Variants in TRA2A observed in about 807,000 individuals in gnomAD.
TRA2A encodes the protein transformer 2 alpha homolog, also known as transformer-2 protein homolog alpha.
A neutral mutation model predicts 45.7 loss-of-function variants in TRA2A; 31 were observed. That is an observed-to-expected ratio of 0.68 (90% CI 0.51 to 0.92). TRA2A has a LOEUF of 0.92. Among genes scored for constraint, TRA2A ranks in the 40% least tolerant of loss-of-function variants. The probability of loss-of-function intolerance (pLI) is 0.00; values close to 1 mark genes in which losing one functional copy is unlikely to be tolerated. For missense variants in TRA2A, 304 were observed against 367.5 expected (o/e 0.83, Z 1.41); for synonymous variants, 132 against 126.2 (o/e 1.05, Z -0.31).
Position 23,531,825 on chromosome 7 carries a change from G to A in TRA2A, c.-1C>T, listed in dbSNP as rs1446705663. 5 of 1,613,642 alleles carry A rather than the reference G, an allele frequency of 3.1e-6. No homozygotes were observed. In the East Asian group the frequency reaches 1.1e-4, roughly 36 times the overall value. ...AGTTGTTTTCCTCCACATCACTCAT[G>A]TCGACGAGGCGCTCCCCAGAACTAA... is the stretch of plus-strand genomic sequence containing the variant. On this transcript the variant is annotated 5_prime_UTR_variant, in exon 1 of 8. Transcript: ENST00000297071.
Position 23,521,795 on chromosome 7 carries a change from C to A in TRA2A, c.82G>T (p.Val28Leu). ...GATCCTGACCTGCTCTCCGATTTTA[C>A]ACGAGCAGGAGTTCCCGTTGGAGAT... ...SKSPTGTPAR[V>L]KSESRSGSRS... Residue 28 changes from valine (V) to leucine (L), a missense_variant, in exon 2 of 8, where the codon GTA (valine) becomes TTA (leucine). Val to Leu is a conservative substitution (Grantham distance 32). Coordinates refer to ENST00000297071, the MANE Select transcript of TRA2A (RefSeq NM_013293.5). 6.2e-7 allele frequency: 1 copy of A among 1,614,142 alleles called. No individual in the cohort carries two copies. The highest frequency in any genetic ancestry group is 8.5e-7 in the Non-Finnish European group (1 of 1,180,010).
chr7:23,507,546 C>A lies in TRA2A; in HGVS notation c.526-11G>T. ...TGCCCTTTCCATAGCCTATAAAGAACAGGCACAAAAAGTCACGTATAATTC... is the reference window on the plus strand; with the variant it reads ...TGCCCTTTCCATAGCCTATAAAGAAAAGGCACAAAAAGTCACGTATAATTC... On this transcript the variant is annotated splice_polypyrimidine_tract_variant and intron_variant, in intron 4 of 7. Transcript: ENST00000297071. The A allele has an allele frequency of 6.3e-7, 1 of 1,598,798 alleles. No homozygotes were observed. The highest frequency in any genetic ancestry group is 8.6e-7 in the Non-Finnish European group (1 of 1,166,460).
intron 1 of TRA2A, 135 bp downstream of exon 1, chr7:23,531,654 G>A (rs972798641): frequency 2.3e-6 from 2 of 880,386 alleles, no homozygotes; most frequent in Non-Finnish European, 3.6e-6. Flanking sequence ...ATCTTGGGAT[G>A]GGAGGAATCA....
intron 3 of TRA2A, among the ~76,000 whole-genome samples, chr7:23,514,154 A>AC (rs1435138221): frequency 2.1e-5 from 3 of 145,008 alleles, no homozygotes; most frequent in Admixed American, 1.4e-4. Context: ...CGCAACCTCC[A>AC]CCTCCCGAGG....
At position 23,528,443 on chromosome 7, in the gene TRA2A, T is replaced by C. The variant is rs1790429978; in HGVS notation, c.36+3346A>G. Among the ~76,000 whole-genome samples, 7 of 152,230 alleles carry C rather than the reference T, an allele frequency of 4.6e-5. No individual in the cohort carries two copies. The South Asian group carries it at 1.4e-3, about 32-fold the overall frequency. ...GGATGGTCTCCATCTCTTGACCTTGTGATCCGCCCGCCTCAGCCTCCCAAA... is the reference window on the plus strand; with the variant it reads ...GGATGGTCTCCATCTCTTGACCTTGCGATCCGCCCGCCTCAGCCTCCCAAA... On this transcript the variant is annotated intron_variant, in intron 1 of 7. Coordinates refer to ENST00000297071, the MANE Select transcript of TRA2A (RefSeq NM_013293.5).
At chr7:23,506,076 A>G (rs1789320509) in intron 6 of TRA2A, 62 bp downstream of exon 6, 2 of 1,420,384 alleles carry the variant, frequency 1.4e-6, no homozygotes, top group Admixed American at 4.1e-5. Flanking sequence ...ATCCAACATA[A>G]AAGTGCCAAG....
intron 2 of TRA2A, among the ~76,000 whole-genome samples, chr7:23,520,284 A>G (rs1038911812): frequency 6.6e-6 from 1 of 152,240 alleles, no homozygotes; most frequent in Admixed American, 6.5e-5. Flanking sequence ...GACAGTGACA[A>G]CATAAAAAAA....
chr7:23,521,067 C>T (rs1249925636), intron 2 of TRA2A, among the ~76,000 whole-genome samples: 2 of 152,162 alleles, frequency 1.3e-5, no homozygotes, highest in African/African-American at 2.4e-5. Context: ...TTCACTATTG[C>T]GTTTCTGTTA....
At chr7:23,505,992 T>C (rs1037884382) in intron 6 of TRA2A, 146 bp downstream of exon 6, 5 of 786,318 alleles carry the variant, frequency 6.4e-6, no homozygotes, top group African/African-American at 1.7e-5. Context: ...TACTGACATA[T>C]ACAGACTGCT....
chr7:23,513,111 C>A lies in TRA2A; in HGVS notation c.337-29G>T, dbSNP rs766049536. The A allele has an allele frequency of 3.3e-6, 5 of 1,514,218 alleles. No homozygotes were observed. In the South Asian group the frequency reaches 4.9e-5, roughly 15 times the overall value. 93.8% of individuals were successfully genotyped at this position (1,514,218 alleles called of 1,614,324 possible). The stretch of plus-strand genomic sequence containing the variant: ...TTGAATGGAAATATTATTTAAAACT[C>A]CAAATTAAAATCAAAATCAAAGAAA... On this transcript the variant is annotated intron_variant, in intron 3 of 7. Coordinates refer to ENST00000297071, the MANE Select transcript of TRA2A (RefSeq NM_013293.5).
At chr7:23,528,432 T>C (rs1004007156) in intron 1 of TRA2A, among the ~76,000 whole-genome samples, 1 of 152,132 alleles carries the variant, frequency 6.6e-6, no homozygotes, top group Non-Finnish European at 1.5e-5. Context: ...GGTCTCCATC[T>C]CTTGACCTTG....
At chr7:23,519,391 A>G (rs539371300) in intron 2 of TRA2A, among the ~76,000 whole-genome samples, 3 of 152,258 alleles carry the variant, frequency 2.0e-5, no homozygotes, top group African/African-American at 7.2e-5. Flanking sequence ...TTCAAAAAAA[A>G]GACTAATGAC....
At chr7:23,511,304 G>A (rs1474474132) in intron 4 of TRA2A, among the ~76,000 whole-genome samples, 3 of 139,964 alleles carry the variant, frequency 2.1e-5, no homozygotes, top group Non-Finnish European at 4.5e-5. Flanking sequence ...CCGGGAGGTA[G>A]AGCTTGCAGT....
chr7:23,507,421 G>T lies in TRA2A; in HGVS notation c.640C>A (p.His214Asn). Residue 214 changes from histidine to asparagine, a missense_variant and splice_region_variant, in exon 5 of 8, where the codon CAT (histidine) becomes AAT (asparagine). Transcript: ENST00000297071. ...AGCTTAGGAAACTTGAACTCTTACT[G>T]AGTTGGTCTGCCCATGTAGATGCCT... Reference protein sequence around the residue: ...TPGIYMGRPTHSGGGGGGGGG... With the variant: ...TPGIYMGRPTNSGGGGGGGGG... The T allele has an allele frequency of 6.2e-7, 1 of 1,611,470 alleles. No homozygotes were observed. The highest frequency in any genetic ancestry group is 8.5e-7 in the Non-Finnish European group (1 of 1,177,672).
intron 4 of TRA2A, among the ~76,000 whole-genome samples, chr7:23,510,473 G>C (rs1789548375): frequency 6.6e-6 from 1 of 151,624 alleles, no homozygotes; most frequent in Admixed American, 6.6e-5. Context: ...TGGGGTTACA[G>C]GCGCTTGCCA....
At chr7:23,510,551 C>T (rs546143666) in intron 4 of TRA2A, among the ~76,000 whole-genome samples, 1 of 152,244 alleles carries the variant, frequency 6.6e-6, no homozygotes, top group South Asian at 2.1e-4. Flanking sequence ...TGGTCTTGAA[C>T]TCCTGACCTC....
intron 1 of TRA2A, among the ~76,000 whole-genome samples, chr7:23,529,011 C>T (rs1326659579): frequency 1.3e-5 from 2 of 152,164 alleles, no homozygotes; most frequent in Non-Finnish European, 2.9e-5. Flanking sequence ...CACTGGGATG[C>T]TGTATGAAAA....
intron 1 of TRA2A, among the ~76,000 whole-genome samples, chr7:23,527,428 TGA>T (rs973450585): frequency 2.8e-4 from 42 of 152,218 alleles, no homozygotes; most frequent in Non-Finnish European, 2.5e-4. Context: ...GCTAAATTTG[TGA>T]GGACATATGA....
rs777917181 is a variant in TRA2A, at chr7:23,521,776, G to A, written c.101C>T (p.Ser34Leu). 1.2e-6 allele frequency: 2 copies of A among 1,614,162 alleles called. No individual in the cohort carries two copies. The highest frequency in any genetic ancestry group is 1.7e-6 in the Non-Finnish European group (2 of 1,180,010). The stretch of plus-strand genomic sequence containing the variant: ...AACCCTTGATGGACTACGAGATCCT[G>A]ACCTGCTCTCCGATTTTACACGAGC... Reference protein sequence around the residue: ...TPARVKSESRSGSRSPSRVSK... With the variant: ...TPARVKSESRLGSRSPSRVSK... The change falls in exon 2 of 8, where the codon TCA becomes TTA. Residue 34 changes from serine (S) to leucine (L), a missense_variant. Physicochemically the swap from Ser to Leu is moderately radical, Grantham distance 145. Transcript: ENST00000297071.
Sources: gnomAD v4.1 joint callset for allele counts (sites outside exome capture counted in the v4.1 genomes callset) on GRCh38, gnomAD v4.1.1 for gene constraint, MANE v1.5 for transcripts, NCBI Gene and HGNC (gene_info 2026-07-23, HGNC 2026-07-21) for gene names.